Variants in SLC22A7 observed in about 807,000 individuals in gnomAD.
SLC22A7 encodes hOAT2.
SLC22A7 carries 48 observed loss-of-function variants against 62.2 expected under a neutral mutation model. The observed-to-expected ratio is 0.77, with a 90% CI of 0.61 to 0.98. The LOEUF is 0.98. SLC22A7 is among the 50% of genes least tolerant of loss of function. The pLI is 0.00. For synonymous variants in SLC22A7, 276 were observed against 314.8 expected (o/e 0.88, Z 1.30); for missense variants, 581 against 703.8 (o/e 0.83, Z 1.97).
chr6:43,299,269 A>T lies in SLC22A7; in HGVS notation c.400-121A>T. The stretch of plus-strand genomic sequence containing the variant: ...ATCGTTGGGAGGTTTATTATCTGGC[A>T]TGGAGGTACCAGAATGGCAGAGTTC... On this transcript the variant is annotated intron_variant, in intron 2 of 10. Transcript: ENST00000372585. This position sits in a 1 kb window ranked among gnomAD's most constrained non-coding sequence, Gnocchi z 4.4. 7 of 1,603,564 alleles carry T rather than the reference A, an allele frequency of 4.4e-6. No individual in the cohort carries two copies. Among genetic ancestry groups the T allele is most frequent in the Non-Finnish European group, 6.0e-6 (7 of 1,174,566 alleles).
chr6:43,298,516 G>A lies in SLC22A7; in HGVS notation c.158G>A (p.Gly53Asp). 1 of 1,613,572 alleles carries A rather than the reference G, an allele frequency of 6.2e-7. No homozygotes were observed. Among genetic ancestry groups the A allele is most frequent in the Admixed American group, 1.7e-5 (1 of 60,020 alleles). ...AVPAHRCALP[G>D]APANFSHQDV... Reference sequence around the variant, plus strand: ...CCTGCCCACCGATGTGCCCTGCCGGGTGCCCCTGCCAACTTCAGCCATCAG... The same window carrying A: ...CCTGCCCACCGATGTGCCCTGCCGGATGCCCCTGCCAACTTCAGCCATCAG... The change falls in exon 1 of 11, where the codon GGT (glycine) becomes GAT (aspartate). Residue 53 changes from glycine to aspartate, a missense_variant. Physicochemically the swap from Gly to Asp is moderately conservative, Grantham distance 94. Coordinates refer to ENST00000372585, the MANE Select transcript of SLC22A7 (RefSeq NM_153320.2).
At chr6:43,298,211 G>C, upstream of SLC22A7, 1 of 703,046 alleles carries the variant, frequency 1.4e-6, no homozygotes, top group Non-Finnish European at 2.3e-6. Flanking sequence ...CCCAGTCCTG[G>C]GCCAGCCCCT....
At chr6:43,300,096 A>T in intron 5 of SLC22A7, 30 bp downstream of exon 5, 1 of 1,608,546 alleles carries the variant, frequency 6.2e-7, no homozygotes, top group South Asian at 1.1e-5. Flanking sequence ...GGGGAGCGGG[A>T]GATACAGGAA....
chr6:43,304,615 G>A (rs1778876827), intron 10 of SLC22A7, 56 bp from the exon 11 acceptor site: 4 of 1,516,432 alleles, frequency 2.6e-6, no homozygotes, highest in Non-Finnish European at 3.6e-6. Flanking sequence ...GGGCAGGCTG[G>A]GGTGGTAGGC....
chr6:43,303,473 A>G (rs1778826704), intron 9 of SLC22A7, among the ~76,000 whole-genome samples: 1 of 149,620 alleles, frequency 6.7e-6, no homozygotes, highest in Admixed American at 6.6e-5. Context: ...CATAAATAAA[A>G]GAAAAAAATT....
At chr6:43,297,035 C>T (rs1412322672), upstream of SLC22A7, among the ~76,000 whole-genome samples, 1 of 152,124 alleles carries the variant, frequency 6.6e-6, no homozygotes, top group Non-Finnish European at 1.5e-5. Flanking sequence ...ACTAGAGACT[C>T]AAACATTTCT....
rs767304514 is a variant in SLC22A7, at chr6:43,302,165, G to C, written c.1062-35G>C. ...AGAGAGGCCAAAGAGGGATGGGAAGGAGGGTCCGCCAAGTGGCACTGAGAC... is the reference window on the plus strand; with the variant it reads ...AGAGAGGCCAAAGAGGGATGGGAAGCAGGGTCCGCCAAGTGGCACTGAGAC... On this transcript the variant is annotated intron_variant, in intron 7 of 10. Coordinates refer to ENST00000372585, the MANE Select transcript of SLC22A7 (RefSeq NM_153320.2). This position sits in a 1 kb window ranked among gnomAD's most constrained non-coding sequence, Gnocchi z 5.0. 9 of 1,521,876 alleles carry C rather than the reference G, an allele frequency of 5.9e-6. No homozygotes were observed. Among genetic ancestry groups the C allele is most frequent in the Non-Finnish European group, 7.1e-6 (8 of 1,122,218 alleles). The allele number at this position is 1,521,876 out of a possible 1,614,324, so 94.3% of individuals were successfully genotyped here.
chr6:43,297,428 T>C (rs193258266), upstream of SLC22A7, among the ~76,000 whole-genome samples: 3 of 152,224 alleles, frequency 2.0e-5, no homozygotes, highest in Admixed American at 2.0e-4. Context: ...GTTTCTGCTG[T>C]ACTTTTGCTG....
At chr6:43,298,791 G>A in intron 1 of SLC22A7, 40 bp downstream of exon 1, 1 of 1,515,912 alleles carries the variant, frequency 6.6e-7, no homozygotes, top group Non-Finnish European at 8.8e-7. Flanking sequence ...TGAGAGGGAT[G>A]GGCCTGCCAT....
rs537365126 is a variant in SLC22A7, at chr6:43,301,050, G to C, written c.828-85G>C. The C allele has an allele frequency of 3.7e-5, 57 of 1,561,448 alleles. No individual in the cohort carries two copies. The East Asian group carries it at 1.2e-3, about 32-fold the overall frequency. On this transcript the variant is annotated intron_variant, in intron 5 of 10. Transcript: ENST00000372585. Reference sequence around the variant, plus strand: ...AAGGGGACTACATGAGCAAGAGCCTGGAAGTTGAGAGCCTGTAGTATGTCC... The same window carrying C: ...AAGGGGACTACATGAGCAAGAGCCTCGAAGTTGAGAGCCTGTAGTATGTCC...
rs922454056 is a variant in SLC22A7 at position 43,304,920 on chromosome 6, G to A, written c.*195G>A. 3.5e-5 allele frequency: 16 copies of A among 455,734 alleles called. No homozygotes were observed. Among genetic ancestry groups the A allele is most frequent in the Non-Finnish European group, 5.8e-5 (15 of 257,844 alleles). The allele number at this position is 455,734 out of a possible 1,614,324, so 28.2% of individuals were successfully genotyped here. On this transcript the variant is annotated 3_prime_UTR_variant, in exon 11 of 11. Coordinates refer to ENST00000372585, the MANE Select transcript of SLC22A7 (RefSeq NM_153320.2). ...AACAGTTGACTTCCCAGAATGCAGTGGGCTGCTGGGCACCCCTCTCACGGT... is the reference window on the plus strand; with the variant it reads ...AACAGTTGACTTCCCAGAATGCAGTAGGCTGCTGGGCACCCCTCTCACGGT...
Position 43,299,811 on chromosome 6 carries a change from AGAGGGCTG to A in SLC22A7, c.658+33_658+40del. The A allele has an allele frequency of 1.2e-6, 2 of 1,614,212 alleles. No individual in the cohort carries two copies. ...GGCAGGCAAGAAACAGGCAGGACCT[AGAGGGCTG>A]GAAGAAGGCAGTTGTCAGAGTGAGG... On this transcript the variant is annotated intron_variant, in intron 4 of 10. Coordinates refer to ENST00000372585, the MANE Select transcript of SLC22A7 (RefSeq NM_153320.2). The surrounding 1 kb of genome is among the most constrained non-coding windows in gnomAD (Gnocchi z 4.4).
At chr6:43,297,127 C>T (rs142584927), upstream of SLC22A7, among the ~76,000 whole-genome samples, 254 of 152,250 alleles carry the variant, frequency 1.7e-3, 1 homozygote, top group African/African-American at 5.7e-3. Context: ...CCCATTAACA[C>T]ACGCCATGCC....
intron 10 of SLC22A7, 102 bp from the exon 11 acceptor site, chr6:43,304,569 C>T: frequency 2.1e-6 from 2 of 974,952 alleles, no homozygotes; most frequent in Non-Finnish European, 1.6e-6. Context: ...CGTTTGTATA[C>T]CAGGAACTGG....
At position 43,302,533 on chromosome 6, in the gene SLC22A7, C is replaced by T; in HGVS notation, c.1276+119C>T. On this transcript the variant is annotated intron_variant, in intron 8 of 10. Transcript: ENST00000372585. This position sits in a 1 kb window ranked among gnomAD's most constrained non-coding sequence, Gnocchi z 5.0. ...CTCCTCCCCCAGATCCCTGCTCTTACCCAGTGAGCTCAGACTCTCCACCAC... is the reference window on the plus strand; with the variant it reads ...CTCCTCCCCCAGATCCCTGCTCTTATCCAGTGAGCTCAGACTCTCCACCAC... 8.5e-7 allele frequency: 1 copy of T among 1,182,722 alleles called. No individual in the cohort carries two copies. Among genetic ancestry groups the T allele is most frequent in the Non-Finnish European group, 1.2e-6 (1 of 835,482 alleles). The allele number at this position is 1,182,722 out of a possible 1,614,324, so 73.3% of individuals were successfully genotyped here.
At chr6:43,296,656 G>A (rs1582540923), upstream of SLC22A7, among the ~76,000 whole-genome samples, 1 of 152,196 alleles carries the variant, frequency 6.6e-6, no homozygotes, top group East Asian at 1.9e-4. Context: ...CATTGTCCAA[G>A]GGACCACACT....
chr6:43,298,348 G>A lies in SLC22A7; in HGVS notation c.-11G>A. On this transcript the variant is annotated 5_prime_UTR_variant, in exon 1 of 11. Transcript: ENST00000372585. ...GGAGGCTGCACCTGAAGCATTTGGT[G>A]GGTGAGCAGCATGGGCTTTGAGGAG... is the stretch of plus-strand genomic sequence containing the variant. 4 of 1,602,438 alleles carry A rather than the reference G, an allele frequency of 2.5e-6. No individual in the cohort carries two copies. Among genetic ancestry groups the A allele is most frequent in the Non-Finnish European group, 3.4e-6 (4 of 1,173,152 alleles).
chr6:43,298,902 T>C, intron 1 of SLC22A7, 151 bp downstream of exon 1: 1 of 1,245,504 alleles, frequency 8.0e-7, no homozygotes, highest in Non-Finnish European at 1.1e-6. Flanking sequence ...TAAGGCACTT[T>C]TAGTTCATGG....
rs1778656112 is a variant in SLC22A7, at chr6:43,299,455, G to C, written c.465G>C (p.Val155=). Residue 155 remains valine, a synonymous_variant, in exon 3 of 11, where the codon GTG becomes GTC. Transcript: ENST00000372585. The surrounding 1 kb of genome is among the most constrained non-coding windows in gnomAD (Gnocchi z 4.4). ...RAASTFFFAG[V]LVGAVAFGYL... ...CGTCCACTTTCTTCTTCGCCGGTGT[G>C]CTGGTGGGGGCTGTGGCCTTTGGAT... 1.2e-6 allele frequency: 2 copies of C among 1,613,936 alleles called. No homozygotes were observed. Among genetic ancestry groups the C allele is most frequent in the Non-Finnish European group, 1.7e-6 (2 of 1,179,914 alleles).
Sources: gnomAD v4.1 joint callset for allele counts (sites outside exome capture counted in the v4.1 genomes callset) on GRCh38, gnomAD v4.1.1 for gene constraint, Gnocchi (gnomAD v3.1) non-coding constraint, MANE v1.5 for transcripts, NCBI Gene and HGNC (gene_info 2026-07-23, HGNC 2026-07-21) for gene names.